Variants in KAZN observed in about 807,000 individuals in gnomAD.
KAZN encodes the protein kazrin, periplakin interacting protein.
Under a neutral mutation model 87.4 loss-of-function variants are expected in KAZN, and 40 were observed. The observed-to-expected ratio is 0.46, with a 90% CI of 0.36 to 0.60. KAZN has a LOEUF of 0.60. Ranked by LOEUF, KAZN falls within the 20% of genes least tolerant of loss-of-function variation. The probability of loss-of-function intolerance (pLI) is 0.00; values close to 1 mark genes in which losing one functional copy is unlikely to be tolerated. For missense variants in KAZN, 898 were observed against 1,073.9 expected, an observed-to-expected ratio of 0.84 and a Z score of 2.29; for synonymous variants, 466 against 458.3, an observed-to-expected ratio of 1.02 and a Z score of -0.22.
intron 1 of KAZN, among the ~76,000 whole-genome samples, chr1:14,606,547 G>A (rs1353465182): frequency 1.3e-5 from 2 of 152,070 alleles, no homozygotes; most frequent in Admixed American, 6.5e-5. Context: ...CTCTTGGGAA[G>A]GATGAGTCCA....
intron 2 of KAZN, among the ~76,000 whole-genome samples, chr1:14,288,639 A>G (rs1026746999): frequency 1.3e-5 from 2 of 152,060 alleles, no homozygotes; most frequent in African/African-American, 4.8e-5. Flanking sequence ...GCTCCTGGAT[A>G]CATTGATTAT....
chr1:14,023,473 T>C (rs1640934794), intron 1 of KAZN, among the ~76,000 whole-genome samples: 1 of 152,188 alleles, frequency 6.6e-6, no homozygotes, highest in East Asian at 1.9e-4. Context: ...GATGAGGAAA[T>C]GCATCTCTCA....
At chr1:14,064,959 G>T (rs2101532993) in intron 1 of KAZN, among the ~76,000 whole-genome samples, 1 of 152,334 alleles carries the variant, frequency 6.6e-6, no homozygotes, top group Non-Finnish European at 1.5e-5. Context: ...CGGCCAGTAA[G>T]CGGAAAACAT....
At chr1:15,002,436 T>C (rs1490108325) in intron 2 of KAZN, among the ~76,000 whole-genome samples, 3 of 151,980 alleles carry the variant, frequency 2.0e-5, no homozygotes, top group African/African-American at 7.3e-5. Context: ...CACCCTGAGT[T>C]TTTCGTGCCA....
intron 2 of KAZN, among the ~76,000 whole-genome samples, chr1:14,208,163 A>G (rs1646782470): frequency 1.3e-5 from 2 of 152,218 alleles, no homozygotes; most frequent in Admixed American, 1.3e-4. Context: ...TCCTGTATTC[A>G]TAATGATACT....
At chr1:14,054,295 GATAAAA>G (rs1371419295) in intron 1 of KAZN, among the ~76,000 whole-genome samples, 1 of 152,090 alleles carries the variant, frequency 6.6e-6, no homozygotes, top group Non-Finnish European at 1.5e-5. Flanking sequence ...GATTAAAAAA[GATAAAA>G]ATAAAAACCT....
At chr1:14,075,080 G>A (rs1643400562) in intron 1 of KAZN, among the ~76,000 whole-genome samples, 1 of 152,146 alleles carries the variant, frequency 6.6e-6, no homozygotes, top group Non-Finnish European at 1.5e-5. Context: ...ATGGGGTGAG[G>A]GGGCTGCCAG....
chr1:14,531,050 G>T (rs905451966), intron 2 of KAZN, among the ~76,000 whole-genome samples: 3 of 152,178 alleles, frequency 2.0e-5, no homozygotes, highest in South Asian at 2.1e-4. Context: ...TCAAGCCTGG[G>T]TGACAGAGTG....
chr1:13,935,682 A>T (rs1027143693), intron 1 of KAZN, among the ~76,000 whole-genome samples: 4 of 152,200 alleles, frequency 2.6e-5, no homozygotes, highest in African/African-American at 9.7e-5. Flanking sequence ...TCTTGAATTA[A>T]GACAATCCCC....
Position 14,887,209 on chromosome 1 carries a change from CT to C in KAZN, c.227-73474del, listed in dbSNP as rs1237676236. 2.0e-5 allele frequency among the ~76,000 whole-genome samples: 3 copies of C among 152,174 alleles called. No homozygotes were observed. In the East Asian group the frequency reaches 5.8e-4, roughly 29 times the overall value. On this transcript the variant is annotated intron_variant, in intron 1 of 14. Transcript: ENST00000376030. ...AAGACCTGTTTTATTATTTTACCCC[CT>C]GTGAACCTCATGTTTCAAAAGATTT...
chr1:15,090,580 G>GCCGTTT, intron 8 of KAZN, among the ~76,000 whole-genome samples: 1 of 152,274 alleles, frequency 6.6e-6, no homozygotes, highest in East Asian at 1.9e-4. Flanking sequence ...GGCAGCTGCT[G>GCCGTTT]CCGTTTCCGC....
chr1:14,239,765 G>A (rs1297084715), intron 2 of KAZN, among the ~76,000 whole-genome samples: 4 of 151,952 alleles, frequency 2.6e-5, no homozygotes, highest in Non-Finnish European at 4.4e-5. Context: ...CAGCAAGTTG[G>A]GGTTCTATAG....
intron 1 of KAZN, among the ~76,000 whole-genome samples, chr1:14,002,255 CA>C (rs1280946263): frequency 2.0e-5 from 3 of 152,202 alleles, no homozygotes; most frequent in Non-Finnish European, 4.4e-5. Flanking sequence ...AAAAAAAGCT[CA>C]ACATCACTGA....
intron 1 of KAZN, among the ~76,000 whole-genome samples, chr1:14,953,088 G>A (rs527557012): frequency 8.5e-5 from 13 of 152,312 alleles, no homozygotes; most frequent in South Asian, 2.1e-4. Context: ...CCAAGAACAC[G>A]GCACAGAGCA....
At chr1:14,756,020 G>A (rs1024461527) in intron 1 of KAZN, among the ~76,000 whole-genome samples, 2 of 152,170 alleles carry the variant, frequency 1.3e-5, no homozygotes, top group African/African-American at 4.8e-5. Context: ...TGCAGGGGAG[G>A]AGAAGAGGCA....
intron 1 of KAZN, among the ~76,000 whole-genome samples, chr1:14,140,677 C>T (rs540809506): frequency 6.6e-6 from 1 of 152,190 alleles, no homozygotes; most frequent in South Asian, 2.1e-4. Context: ...AGTTCTTACA[C>T]ACGTGTAAGC....
At chr1:14,712,101 C>T (rs1054265248) in intron 1 of KAZN, among the ~76,000 whole-genome samples, 9 of 152,138 alleles carry the variant, frequency 5.9e-5, no homozygotes, top group African/African-American at 2.2e-4. Flanking sequence ...TTTTAGGGGC[C>T]AGGTGCTGGA....
At chr1:14,601,827 A>G (rs1677006329) in intron 1 of KAZN, among the ~76,000 whole-genome samples, 2 of 152,230 alleles carry the variant, frequency 1.3e-5, no homozygotes, top group African/African-American at 4.8e-5. Flanking sequence ...TAAAACGAGT[A>G]TCTTTGCATT....
intron 1 of KAZN, among the ~76,000 whole-genome samples, chr1:14,945,043 A>G (rs1661574323): frequency 6.6e-6 from 1 of 152,212 alleles, no homozygotes; most frequent in South Asian, 2.1e-4. Context: ...ACGGAGGCTC[A>G]TGGCCCACAG....
Sources: gnomAD v4.1 joint callset for allele counts (sites outside exome capture counted in the v4.1 genomes callset) on GRCh38, gnomAD v4.1.1 for gene constraint, MANE v1.5 for transcripts, NCBI Gene and HGNC (gene_info 2026-07-23, HGNC 2026-07-21) for gene names.